Variants in MAPK14 observed in about 807,000 individuals in gnomAD.
MAPK14 encodes mitogen-activated protein kinase 14.
Under a neutral mutation model 49.6 loss-of-function variants are expected in MAPK14, and 16 were observed. That is an observed-to-expected ratio of 0.32 (90% CI 0.22 to 0.49). The LOEUF (loss-of-function observed/expected upper bound fraction) is 0.49. Among genes scored for constraint, MAPK14 ranks in the 20% least tolerant of loss-of-function variants. The probability of loss-of-function intolerance (pLI) is 0.99; values close to 1 mark genes in which losing one functional copy is unlikely to be tolerated. For synonymous variants in MAPK14, 142 were observed against 158.0 expected (o/e 0.90, Z 0.76); for missense variants, 200 against 441.2 (o/e 0.45, Z 4.90).
In MAPK14 at chr6:36,102,558, C is replaced by G; in HGVS notation, c.763-13C>G. The G allele has an allele frequency of 6.2e-7, 1 of 1,607,420 alleles. No homozygotes were observed. Among genetic ancestry groups the G allele is most frequent in the Non-Finnish European group, 8.5e-7 (1 of 1,175,544 alleles). The stretch of plus-strand genomic sequence containing the variant: ...ATTGAACAAAGTCATTCTGAAAACC[C>G]TTGTTTTTTCAGGCAAGAAACTATA... On this transcript the variant is annotated splice_polypyrimidine_tract_variant and intron_variant, in intron 9 of 11. Coordinates refer to ENST00000229794, the MANE Select transcript of MAPK14 (RefSeq NM_139012.3).
intron 8 of MAPK14, among the ~76,000 whole-genome samples, chr6:36,095,333 G>A (rs1361273707): frequency 6.6e-6 from 1 of 152,186 alleles, no homozygotes; most frequent in African/African-American, 2.4e-5. Flanking sequence ...GCTCCTAAAG[G>A]AACATGCGAT....
In MAPK14 at chr6:36,028,051, G is replaced by T. The variant is rs1762376000; in HGVS notation, c.-107G>T. 5 of 612,164 alleles carry T rather than the reference G, an allele frequency of 8.2e-6. No individual in the cohort carries two copies. The highest frequency in any genetic ancestry group is 5.3e-6 in the Non-Finnish European group (2 of 373,996). The allele number at this position is 612,164 out of a possible 1,614,324, so 37.9% of individuals were successfully genotyped here. A position where few individuals can be genotyped will look rare whatever the true frequency, so the allele number is the denominator to read the frequency against. ...AGCCGCACCTGCGCGGGCGACCAGCGCAAGGTCCCCGCCCGGCTGGGCGGG... is the reference window on the plus strand; with the variant it reads ...AGCCGCACCTGCGCGGGCGACCAGCTCAAGGTCCCCGCCCGGCTGGGCGGG... On this transcript the variant is annotated 5_prime_UTR_variant, in exon 1 of 12. Transcript: ENST00000229794. The surrounding 1 kb of genome is among the most constrained non-coding windows in gnomAD (Gnocchi z 5.1).
intron 1 of MAPK14, among the ~76,000 whole-genome samples, chr6:36,037,513 T>G (rs1003404543): frequency 2.6e-5 from 4 of 152,080 alleles, no homozygotes; most frequent in African/African-American, 9.7e-5. Flanking sequence ...TGTTACAAAG[T>G]TACAAAAGAG....
chr6:36,046,478 A>G (rs992369941), intron 1 of MAPK14, among the ~76,000 whole-genome samples: 4 of 152,220 alleles, frequency 2.6e-5, no homozygotes, highest in African/African-American at 9.6e-5. Flanking sequence ...CAAACCTACT[A>G]TAAAAGTTAT....
In MAPK14 at chr6:36,108,541, C is replaced by G; in HGVS notation, c.*94C>G. 1 of 1,017,710 alleles carries G rather than the reference C, an allele frequency of 9.8e-7. No homozygotes were observed. Among genetic ancestry groups the G allele is most frequent in the Non-Finnish European group, 1.6e-6 (1 of 642,764 alleles). The allele number at this position is 1,017,710 out of a possible 1,614,324, so 63.0% of individuals were successfully genotyped here. A position where few individuals can be genotyped will look rare whatever the true frequency, so the allele number is the denominator to read the frequency against. ...AATATTATTCAAGTGCCTCTTGTTG[C>G]AGAGATTTCCTCCATGGTGGAAGGG... is the stretch of plus-strand genomic sequence containing the variant. On this transcript the variant is annotated 3_prime_UTR_variant, in exon 12 of 12. Transcript: ENST00000229794.
chr6:36,099,343 G>A (rs1300486460), intron 9 of MAPK14, among the ~76,000 whole-genome samples: 1 of 152,166 alleles, frequency 6.6e-6, no homozygotes, highest in African/African-American at 2.4e-5. Flanking sequence ...AACATTGATG[G>A]AACAGTTAAA....
At chr6:36,075,995 T>C in intron 7 of MAPK14, 33 bp downstream of exon 7, 1 of 1,610,236 alleles carries the variant, frequency 6.2e-7, no homozygotes, top group Non-Finnish European at 8.5e-7. Flanking sequence ...AGGGCCTTAT[T>C]TAATTCCATG....
At chr6:36,062,294 G>A (rs890244934) in intron 3 of MAPK14, among the ~76,000 whole-genome samples, 1 of 152,152 alleles carries the variant, frequency 6.6e-6, no homozygotes, top group Admixed American at 6.5e-5. Context: ...ATTTTCTAAA[G>A]TTATTTTGGG....
At chr6:36,038,164 T>C (rs1329220618) in intron 1 of MAPK14, among the ~76,000 whole-genome samples, 1 of 151,984 alleles carries the variant, frequency 6.6e-6, no homozygotes, top group African/African-American at 2.4e-5. Flanking sequence ...TTAAGAAAGG[T>C]GAATACGGTA....
intron 1 of MAPK14, among the ~76,000 whole-genome samples, chr6:36,033,501 G>C (rs1762623850): frequency 1.3e-5 from 2 of 152,086 alleles, no homozygotes; most frequent in South Asian, 4.2e-4. Context: ...ATTTTTAGTA[G>C]AGACGGGGTT....
chr6:36,069,133 A>G, intron 3 of MAPK14, among the ~76,000 whole-genome samples: 1 of 152,200 alleles, frequency 6.6e-6, no homozygotes, highest in African/African-American at 2.4e-5. Flanking sequence ...TAGGTGTTAT[A>G]TACATTGACA....
downstream of MAPK14, among the ~76,000 whole-genome samples, chr6:36,115,557 G>C (rs1460129185): frequency 1.3e-5 from 2 of 151,994 alleles, no homozygotes. Flanking sequence ...GGCTGAGGCG[G>C]GCAGAACACT....
chr6:36,115,674 TCA>T (rs1766048094), downstream of MAPK14, among the ~76,000 whole-genome samples: 1 of 152,152 alleles, frequency 6.6e-6, no homozygotes, highest in Admixed American at 6.5e-5. Context: ...ACACCTGTAA[TCA>T]CAGCACTTTG....
downstream of MAPK14, among the ~76,000 whole-genome samples, chr6:36,112,067 G>A (rs1018503788): frequency 6.6e-5 from 10 of 152,162 alleles, no homozygotes; most frequent in South Asian, 2.1e-4. Flanking sequence ...TTAGCTGGGC[G>A]TGGTGGTGCA....
At position 36,110,023 on chromosome 6, in the gene MAPK14, T is replaced by C. The variant is rs1487259732; in HGVS notation, c.*1576T>C. 1.3e-5 allele frequency: 2 copies of C among 152,532 alleles called. No homozygotes were observed. Among genetic ancestry groups the C allele is most frequent in the East Asian group, 3.9e-4 (2 of 5,192 alleles). 9.4% of individuals were successfully genotyped at this position (152,532 alleles called of 1,614,324 possible). On this transcript the variant is annotated 3_prime_UTR_variant, in exon 12 of 12. Coordinates refer to ENST00000229794, the MANE Select transcript of MAPK14 (RefSeq NM_139012.3). ...GGAGAAAGGGCAAATTATTTTAATA[T>C]TTTGTATTTTCAACTTTATAAAGAT...
intron 6 of MAPK14, among the ~76,000 whole-genome samples, chr6:36,074,738 C>T (rs1262177996): frequency 6.6e-6 from 1 of 151,890 alleles, no homozygotes; most frequent in Non-Finnish European, 1.5e-5. Flanking sequence ...GCCTCAGCCT[C>T]CCGAGTAGCT....
At chr6:36,045,826 A>G (rs1413813147) in intron 1 of MAPK14, among the ~76,000 whole-genome samples, 3 of 150,848 alleles carry the variant, frequency 2.0e-5, no homozygotes, top group African/African-American at 4.9e-5. Context: ...AAAAAAAAAA[A>G]AAAAAAAGAA....
chr6:36,073,238 A>G, intron 4 of MAPK14: 1 of 481,358 alleles, frequency 2.1e-6, no homozygotes. Flanking sequence ...ATTATATAAT[A>G]CCATCCATAG....
At chr6:36,042,064 A>G (rs1371977740) in intron 1 of MAPK14, among the ~76,000 whole-genome samples, 2 of 152,100 alleles carry the variant, frequency 1.3e-5, no homozygotes, top group Admixed American at 6.6e-5. Context: ...AAGAGAATAG[A>G]TATGAAAAGG....
Sources: gnomAD v4.1 joint callset for allele counts (sites outside exome capture counted in the v4.1 genomes callset) on GRCh38, gnomAD v4.1.1 for gene constraint, Gnocchi (gnomAD v3.1) non-coding constraint, MANE v1.5 for transcripts, NCBI Gene and HGNC (gene_info 2026-07-23, HGNC 2026-07-21) for gene names.